The following CACNA2D2 variants were observed in gnomAD, a reference collection of about 807,000 sequenced individuals.
CACNA2D2 encodes calcium voltage-gated channel auxiliary subunit alpha2delta 2.
In CACNA2D2, 48 loss-of-function variants were observed where a neutral mutation model predicts 166.4. That is an observed-to-expected ratio of 0.29 (90% CI 0.23 to 0.37). CACNA2D2 has a LOEUF of 0.37. Among genes scored for constraint, CACNA2D2 ranks in the 10% least tolerant of loss-of-function variants. The probability of loss-of-function intolerance (pLI) is 1.00; values close to 1 mark genes in which losing one functional copy is unlikely to be tolerated. For synonymous variants in CACNA2D2, 561 were observed against 573.7 expected (o/e 0.98, Z 0.32); for missense variants, 1,122 against 1,433.0 (o/e 0.78, Z 3.50).
At chr3:50,476,273 G>A (rs2107091532) in intron 1 of CACNA2D2, 74 bp from the exon 2 acceptor site, 2 of 1,156,604 alleles carry the variant, frequency 1.7e-6, no homozygotes, top group Non-Finnish European at 2.5e-6. Context: ...AGCCAACCCG[G>A]GGGCACTGGG....
intron 2 of CACNA2D2, among the ~76,000 whole-genome samples, chr3:50,474,174 G>A (rs1160228465): frequency 6.6e-6 from 1 of 152,248 alleles, no homozygotes; most frequent in East Asian, 1.9e-4. Context: ...CCACCTTGGT[G>A]ACTGCTGGGA....
intron 6 of CACNA2D2, among the ~76,000 whole-genome samples, chr3:50,382,639 T>A (rs1705378118): frequency 6.6e-6 from 1 of 152,248 alleles, no homozygotes; most frequent in Non-Finnish European, 1.5e-5. Flanking sequence ...TTTAGAAACT[T>A]AGTGAGTTGA....
chr3:50,366,503 G>A lies in CACNA2D2; in HGVS notation c.2637+75C>T. 1 of 1,542,670 alleles carries A rather than the reference G, an allele frequency of 6.5e-7. No homozygotes were observed. The highest frequency in any genetic ancestry group is 9.0e-7 in the Non-Finnish European group (1 of 1,115,116). ...AGACCCACAGGCCAAGGGATGTGCT[G>A]GGAGTCGCGGCTGGGACTAGGAAGT... On this transcript the variant is annotated intron_variant, in intron 30 of 37. Coordinates refer to ENST00000424201, the MANE Select transcript of CACNA2D2 (RefSeq NM_006030.4). This position sits in a 1 kb window ranked among gnomAD's most constrained non-coding sequence, Gnocchi z 5.9.
At chr3:50,476,088 T>C (rs1327462594) in intron 2 of CACNA2D2, 30 bp downstream of exon 2, 16 of 1,552,790 alleles carry the variant, frequency 1.0e-5, no homozygotes, top group African/African-American at 6.8e-5. Flanking sequence ...AGAGGGTCCC[T>C]GAAGAGACAG....
chr3:50,438,906 G>A (rs912588470), intron 2 of CACNA2D2, among the ~76,000 whole-genome samples: 3 of 152,190 alleles, frequency 2.0e-5, no homozygotes, highest in Admixed American at 2.0e-4. Context: ...TGTTTGCCCC[G>A]AGTGTTAGCT....
intron 2 of CACNA2D2, among the ~76,000 whole-genome samples, chr3:50,444,047 G>A (rs1238067673): frequency 6.6e-6 from 1 of 152,172 alleles, no homozygotes; most frequent in Non-Finnish European, 1.5e-5. Context: ...TTGAGGCCAG[G>A]AAGAAAAGGG....
At chr3:50,408,796 G>A (rs1461610983) in intron 3 of CACNA2D2, among the ~76,000 whole-genome samples, 2 of 152,226 alleles carry the variant, frequency 1.3e-5, no homozygotes, top group Non-Finnish European at 2.9e-5. Flanking sequence ...ACGACAGGTA[G>A]GGCCCACCTG....
At chr3:50,479,370 A>G (rs1697945347) in intron 1 of CACNA2D2, among the ~76,000 whole-genome samples, 1 of 152,194 alleles carries the variant, frequency 6.6e-6, no homozygotes, top group Admixed American at 6.5e-5. Context: ...GCCCTAGCAC[A>G]TTGCCCATCA....
intron 2 of CACNA2D2, among the ~76,000 whole-genome samples, chr3:50,461,699 T>C (rs1412071722): frequency 7.1e-6 from 1 of 140,746 alleles, no homozygotes; most frequent in Admixed American, 7.8e-5. Flanking sequence ...AGGCAGAGGT[T>C]GCGGTGAGCC....
chr3:50,393,288 TAG>T (rs1705974250), intron 4 of CACNA2D2, among the ~76,000 whole-genome samples: 1 of 152,144 alleles, frequency 6.6e-6, no homozygotes, highest in African/African-American at 2.4e-5. Context: ...ACAAGAGTAC[TAG>T]GAGGCATGGC....
chr3:50,405,162 G>A (rs1706642857), intron 3 of CACNA2D2, among the ~76,000 whole-genome samples: 2 of 152,224 alleles, frequency 1.3e-5, no homozygotes. Flanking sequence ...CTCAGGAGAA[G>A]GAGTGGGACA....
At chr3:50,403,370 C>T (rs912752374) in intron 3 of CACNA2D2, among the ~76,000 whole-genome samples, 3 of 152,214 alleles carry the variant, frequency 2.0e-5, no homozygotes, top group Admixed American at 6.5e-5. Flanking sequence ...GCCTTCTAAA[C>T]TTGGCCTGAC....
rs1417048167 is a variant in CACNA2D2, at chr3:50,375,748, G to A, written c.1846-43C>T. On this transcript the variant is annotated intron_variant, in intron 20 of 37. Coordinates refer to ENST00000424201, the MANE Select transcript of CACNA2D2 (RefSeq NM_006030.4). This position sits in a 1 kb window ranked among gnomAD's most constrained non-coding sequence, Gnocchi z 4.0. ...GTCAGGTACTTGGGCTAGCAGGCAGGGGGCGCTGGGGTAGAAGGGTGCCCA... is the reference window on the plus strand; with the variant it reads ...GTCAGGTACTTGGGCTAGCAGGCAGAGGGCGCTGGGGTAGAAGGGTGCCCA... 1 of 1,612,940 alleles carries A rather than the reference G, an allele frequency of 6.2e-7. No homozygotes were observed. The highest frequency in any genetic ancestry group is 8.5e-7 in the Non-Finnish European group (1 of 1,179,888).
intron 1 of CACNA2D2, among the ~76,000 whole-genome samples, chr3:50,487,297 C>T (rs1698329541): frequency 6.6e-6 from 1 of 152,226 alleles, no homozygotes; most frequent in Non-Finnish European, 1.5e-5. Context: ...GAACTCACTG[C>T]CTCCACAAGC....
intron 2 of CACNA2D2, among the ~76,000 whole-genome samples, chr3:50,464,631 C>G (rs976943158): frequency 1.3e-5 from 2 of 152,188 alleles, no homozygotes; most frequent in African/African-American, 4.8e-5. Context: ...GGAGAAGCGG[C>G]CAGACCCTTC....
At position 50,365,303 on chromosome 3, in the gene CACNA2D2, G is replaced by A; in HGVS notation, c.3098+53C>T. The A allele has an allele frequency of 1.9e-6, 3 of 1,582,838 alleles. No homozygotes were observed. Among genetic ancestry groups the A allele is most frequent in the Non-Finnish European group, 8.6e-7 (1 of 1,166,882 alleles). On this transcript the variant is annotated intron_variant, in intron 35 of 37. Transcript: ENST00000424201. This position sits in a 1 kb window ranked among gnomAD's most constrained non-coding sequence, Gnocchi z 4.5. ...CCCCTTCCATCCTCCCGAGCGTCTC[G>A]CCCCGCTCACAGGTTCCGCCCTTGG...
intron 3 of CACNA2D2, among the ~76,000 whole-genome samples, chr3:50,402,758 G>C (rs1706505492): frequency 1.3e-5 from 2 of 152,184 alleles, no homozygotes. Flanking sequence ...AACCCAGGTG[G>C]AATTTATCAG....
At position 50,367,445 on chromosome 3, in the gene CACNA2D2, G is replaced by A. The variant is rs746371451; in HGVS notation, c.2350C>T (p.Arg784Cys). The A allele has an allele frequency of 9.9e-5, 159 of 1,613,836 alleles. No individual in the cohort carries two copies. Among genetic ancestry groups the A allele is most frequent in the Middle Eastern group, 1.6e-4 (1 of 6,082 alleles). The change falls in exon 27 of 38, where the codon CGC becomes TGC. Residue 784 changes from arginine (R) to cysteine (C), a missense_variant. By Grantham distance (180) the Arg-to-Cys change is radical. Coordinates refer to ENST00000424201, the MANE Select transcript of CACNA2D2 (RefSeq NM_006030.4). The surrounding 1 kb of genome is among the most constrained non-coding windows in gnomAD (Gnocchi z 6.5). ...TAACCGTGGTTATCCAGGCTGCGGCGGTAGAAGCTGGCATTGAAGGGCTCA... is the reference window on the plus strand; with the variant it reads ...TAACCGTGGTTATCCAGGCTGCGGCAGTAGAAGCTGGCATTGAAGGGCTCA... ...NPEPFNASFY[R>C]RSLDNHGYVF...
At chr3:50,411,824 C>T (rs1707033612) in intron 3 of CACNA2D2, among the ~76,000 whole-genome samples, 1 of 152,124 alleles carries the variant, frequency 6.6e-6, no homozygotes, top group Non-Finnish European at 1.5e-5. Flanking sequence ...TGCCTGTGGC[C>T]CCTGGGAAAG....
Sources: gnomAD v4.1 joint callset for allele counts (sites outside exome capture counted in the v4.1 genomes callset) on GRCh38, gnomAD v4.1.1 for gene constraint, Gnocchi (gnomAD v3.1) non-coding constraint, MANE v1.5 for transcripts, NCBI Gene and HGNC (gene_info 2026-07-23, HGNC 2026-07-21) for gene names.